NELL1: variants seen among roughly 807,000 people sequenced by gnomAD.
NELL1 encodes the protein neural EGFL like 1.
NELL1 carries 76 observed loss-of-function variants against 107.4 expected under a neutral mutation model. That is an observed-to-expected ratio of 0.71 (90% confidence interval 0.59 to 0.86). The LOEUF is 0.86. Ranked by LOEUF, NELL1 falls within the 40% of genes least tolerant of loss-of-function variation. The pLI is 0.00. For synonymous variants in NELL1, 353 were observed against 341.2 expected (o/e 1.03, Z -0.38); for missense variants, 1,024 against 1,005.5 (o/e 1.02, Z -0.25).
At chr11:21,468,925 A>C (rs1225629299) in intron 15 of NELL1, among the ~76,000 whole-genome samples, 1 of 152,104 alleles carries the variant, frequency 6.6e-6, no homozygotes. Context: ...GAGGCGAGTC[A>C]GATCTGAAAT....
At chr11:21,226,287 G>A (rs1857891026) in intron 13 of NELL1, among the ~76,000 whole-genome samples, 1 of 152,106 alleles carries the variant, frequency 6.6e-6, no homozygotes, top group Admixed American at 6.5e-5. Context: ...GGAATTGGGG[G>A]CAAAAATACA....
chr11:21,255,613 A>G (rs1279005202), intron 14 of NELL1, among the ~76,000 whole-genome samples: 1 of 152,130 alleles, frequency 6.6e-6, no homozygotes, highest in Non-Finnish European at 1.5e-5. Context: ...TTCTACAGTA[A>G]TCAGCCTGTG....
chr11:21,313,119 C>T (rs1346614202), intron 14 of NELL1, among the ~76,000 whole-genome samples: 1 of 151,870 alleles, frequency 6.6e-6, no homozygotes, highest in African/African-American at 2.4e-5. Flanking sequence ...GATCCCTTGT[C>T]AGCTGTCATT....
chr11:20,922,414 T>G (rs1850399290), intron 7 of NELL1, among the ~76,000 whole-genome samples: 1 of 152,094 alleles, frequency 6.6e-6, no homozygotes, highest in African/African-American at 2.4e-5. Flanking sequence ...GTTGGTGAAG[T>G]CCTTCAGGGT....
intron 13 of NELL1, among the ~76,000 whole-genome samples, chr11:21,170,705 T>TTATATA (rs71063689): frequency 2.1e-5 from 2 of 96,924 alleles, no homozygotes; most frequent in East Asian, 2.2e-4. Context: ...ATATACTGTA[T>TTATATA]TATATATATA....
At chr11:21,103,944 G>GGGA (rs1854885011) in intron 12 of NELL1, among the ~76,000 whole-genome samples, 1 of 152,164 alleles carries the variant, frequency 6.6e-6, no homozygotes, top group Admixed American at 6.6e-5. Context: ...TACAGCTTCT[G>GGGA]TGAAGGCAGA....
At chr11:20,849,964 G>A (rs7931349) in intron 4 of NELL1, among the ~76,000 whole-genome samples, 27,479 of 151,982 alleles carry the variant, frequency 0.18, 2,941 homozygotes, top group East Asian at 0.34. Context: ...GGTTCCATGC[G>A]GGCAGTCTAC....
intron 15 of NELL1, among the ~76,000 whole-genome samples, chr11:21,466,269 C>T (rs73463105): frequency 0.025 from 3,807 of 152,164 alleles, 168 homozygotes; most frequent in African/African-American, 0.085. Flanking sequence ...TGAGGTCTGG[C>T]GACTAGACAT....
chr11:20,854,093 A>G (rs1848837411), intron 4 of NELL1, among the ~76,000 whole-genome samples: 1 of 152,152 alleles, frequency 6.6e-6, no homozygotes, highest in Admixed American at 6.5e-5. Flanking sequence ...CAAATGAGGG[A>G]ACTCATTTGC....
intron 12 of NELL1, among the ~76,000 whole-genome samples, chr11:21,101,955 C>T (rs891180320): frequency 6.6e-5 from 10 of 152,092 alleles, no homozygotes; most frequent in Non-Finnish European, 5.9e-5. Context: ...CGAGTTTGAG[C>T]GATTAATCTG....
At chr11:20,870,304 T>G (rs1210777201) in intron 4 of NELL1, among the ~76,000 whole-genome samples, 1 of 152,234 alleles carries the variant, frequency 6.6e-6, no homozygotes, top group Non-Finnish European at 1.5e-5. Context: ...CAAAACTTTG[T>G]CTCACTACTA....
At chr11:21,359,758 A>C (rs753617090) in intron 14 of NELL1, among the ~76,000 whole-genome samples, 9 of 152,012 alleles carry the variant, frequency 5.9e-5, no homozygotes, top group African/African-American at 1.2e-4. Context: ...TCTCCTCTAG[A>C]TTTTTTAGTT....
intron 16 of NELL1, among the ~76,000 whole-genome samples, chr11:21,549,121 C>T (rs1249668850): frequency 6.6e-6 from 1 of 151,756 alleles, no homozygotes; most frequent in Non-Finnish European, 1.5e-5. Context: ...AGTGTTCACT[C>T]TTTTTGCCAT....
intron 11 of NELL1, among the ~76,000 whole-genome samples, chr11:20,954,301 A>T (rs1851125001): frequency 6.6e-6 from 1 of 152,228 alleles, no homozygotes; most frequent in African/African-American, 2.4e-5. Flanking sequence ...GGGGTTCTCC[A>T]AACTTACTCC....
chr11:21,249,378 A>G (rs968044148), intron 14 of NELL1, among the ~76,000 whole-genome samples: 2 of 152,076 alleles, frequency 1.3e-5, no homozygotes, highest in Non-Finnish European at 2.9e-5. Flanking sequence ...TTCAACAGAT[A>G]TATTCTTGAA....
chr11:21,374,830 T>G (rs1381023087), intron 15 of NELL1, among the ~76,000 whole-genome samples: 1 of 151,770 alleles, frequency 6.6e-6, no homozygotes, highest in Non-Finnish European at 1.5e-5. Flanking sequence ...TATCTGACGT[T>G]GAACAGCCAC....
chr11:20,997,748 A>G (rs1852123670), intron 12 of NELL1, among the ~76,000 whole-genome samples: 1 of 152,204 alleles, frequency 6.6e-6, no homozygotes, highest in African/African-American at 2.4e-5. Context: ...CAGCATTTTG[A>G]GCATTGCTTG....
chr11:21,104,557 G>A (rs1455294955), intron 12 of NELL1, among the ~76,000 whole-genome samples: 1 of 152,188 alleles, frequency 6.6e-6, no homozygotes, highest in Non-Finnish European at 1.5e-5. Flanking sequence ...ACTCTAATTT[G>A]TATTTCATGG....
At chr11:20,749,870 T>A (rs1327127989) in intron 2 of NELL1, among the ~76,000 whole-genome samples, 1 of 152,204 alleles carries the variant, frequency 6.6e-6, no homozygotes, top group Non-Finnish European at 1.5e-5. Context: ...ATAAAATTTT[T>A]AGATGTAGCC....
Sources: gnomAD v4.1 joint callset for allele counts (sites outside exome capture counted in the v4.1 genomes callset) on GRCh38, gnomAD v4.1.1 for gene constraint, MANE v1.5 for transcripts, NCBI Gene and HGNC (gene_info 2026-07-23, HGNC 2026-07-21) for gene names.